ESYT3: variants seen among roughly 807,000 people sequenced by gnomAD.
The protein encoded by ESYT3 is extended synaptotagmin-3.
ESYT3 carries 101 observed loss-of-function variants against 111.5 expected under a neutral mutation model. The ratio of observed to expected loss-of-function variants is 0.91; its 90% CI spans 0.77 to 1.07. The LOEUF is 1.07. Ranked by LOEUF, ESYT3 falls within the 50% of genes least tolerant of loss-of-function variation. The probability of loss-of-function intolerance (pLI) is 0.00; values close to 1 mark genes in which losing one functional copy is unlikely to be tolerated. For missense variants in ESYT3, 1,097 were observed against 1,109.4 expected, an observed-to-expected ratio of 0.99 and a Z score of 0.16; for synonymous variants, 416 against 446.8, an observed-to-expected ratio of 0.93 and a Z score of 0.87.
At chr3:138,451,708 C>A (rs1185190543) in intron 1 of ESYT3, among the ~76,000 whole-genome samples, 1 of 152,222 alleles carries the variant, frequency 6.6e-6, no homozygotes, top group East Asian at 1.9e-4. Flanking sequence ...GGGGTGAAAC[C>A]GCGTGGAGTC....
At chr3:138,442,502 G>A (rs1452969536) in intron 1 of ESYT3, among the ~76,000 whole-genome samples, 1 of 152,252 alleles carries the variant, frequency 6.6e-6, no homozygotes, top group East Asian at 1.9e-4. Context: ...TTCTCCCTCT[G>A]ATCTGTGCAT....
intron 1 of ESYT3, among the ~76,000 whole-genome samples, chr3:138,443,159 C>T (rs142005390): frequency 4.6e-5 from 7 of 152,290 alleles, no homozygotes; most frequent in Non-Finnish European, 8.8e-5. Flanking sequence ...TTCATCTGCT[C>T]AGTTCTGCTG....
chr3:138,480,285 AG>A (rs2033664078), downstream of ESYT3: 1 of 152,234 alleles, frequency 6.6e-6, no homozygotes, highest in South Asian at 2.1e-4. Flanking sequence ...GAAAGTAAAA[AG>A]ATTAAAAGAT....
In ESYT3 at chr3:138,467,580, G is replaced by A; in HGVS notation, c.1189G>A (p.Asp397Asn). 1.9e-6 allele frequency: 3 copies of A among 1,614,182 alleles called. No homozygotes were observed. The highest frequency in any genetic ancestry group is 2.5e-6 in the Non-Finnish European group (3 of 1,180,032). The change falls in exon 11 of 23, where the codon GAT becomes AAT. Residue 397 changes from aspartate to asparagine, a missense_variant. Coordinates refer to ENST00000389567, the MANE Select transcript of ESYT3 (RefSeq NM_031913.5). Reference sequence around the variant, plus strand: ...TTCCAGCCTGCAGATCTGCCTTGGAGATGTCATGACCAACAGAGTGGTGGA... The same window carrying A: ...TTCCAGCCTGCAGATCTGCCTTGGAAATGTCATGACCAACAGAGTGGTGGA... ...FLGSLQICLG[D>N]VMTNRVVDEW... is the part of the protein sequence containing the mutation.
chr3:138,455,048 T>TG, intron 2 of ESYT3, 146 bp from the exon 3 acceptor site: 1 of 814,768 alleles, frequency 1.2e-6, no homozygotes, highest in Non-Finnish European at 2.0e-6. Flanking sequence ...AGCAGATGGG[T>TG]GGGCAGGCAA....
Position 138,474,371 on chromosome 3 carries a change from T to C in ESYT3, c.2468+19T>C. On this transcript the variant is annotated intron_variant, in intron 20 of 22. Coordinates refer to ENST00000389567, the MANE Select transcript of ESYT3 (RefSeq NM_031913.5). ...ATGAGACGTAAGTGGGCTGGTGGCC[T>C]GCCTAGAGTGCCTCACCCATTCAAG... 6.4e-7 allele frequency: 1 copy of C among 1,565,128 alleles called. No individual in the cohort carries two copies. Among genetic ancestry groups the C allele is most frequent in the Non-Finnish European group, 8.6e-7 (1 of 1,163,636 alleles).
chr3:138,478,668 G>T lies in ESYT3; in HGVS notation c.*1814G>T, dbSNP rs1264253474. The T allele has an allele frequency of 6.6e-6, 1 of 152,136 alleles. No homozygotes were observed. Among genetic ancestry groups the T allele is most frequent in the Non-Finnish European group, 1.5e-5 (1 of 68,018 alleles). The allele number at this position is 152,136 out of a possible 1,614,324, so 9.4% of individuals were successfully genotyped here. The stretch of plus-strand genomic sequence containing the variant: ...GTCAGGCAACACAGGTAAATACCTG[G>T]TGATGGTCTGAAGAGGAGTTAAAAT... On this transcript the variant is annotated 3_prime_UTR_variant, in exon 23 of 23. Transcript: ENST00000389567.
In ESYT3 at chr3:138,479,412, A is replaced by G. The variant is rs2033626493; in HGVS notation, c.*2558A>G. 6.6e-6 allele frequency: 1 copy of G among 152,232 alleles called. No homozygotes were observed. 9.4% of individuals were successfully genotyped at this position (152,232 alleles called of 1,614,324 possible). A position where few individuals can be genotyped will look rare whatever the true frequency, so the allele number is the denominator to read the frequency against. The stretch of plus-strand genomic sequence containing the variant: ...AAGACCATATCTTATTTAGGAAGCT[A>G]AAGATACTCATCTTAAAAATATAAC... On this transcript the variant is annotated 3_prime_UTR_variant, in exon 23 of 23. Coordinates refer to ENST00000389567, the MANE Select transcript of ESYT3 (RefSeq NM_031913.5).
rs866468358 is a variant in ESYT3, at chr3:138,478,910, C to T, written c.*2056C>T. 13 of 152,108 alleles carry T rather than the reference C, an allele frequency of 8.5e-5. No homozygotes were observed. The highest frequency in any genetic ancestry group is 2.2e-4 in the African/African-American group (9 of 41,404). 9.4% of individuals were successfully genotyped at this position (152,108 alleles called of 1,614,324 possible). On this transcript the variant is annotated 3_prime_UTR_variant, in exon 23 of 23. Coordinates refer to ENST00000389567, the MANE Select transcript of ESYT3 (RefSeq NM_031913.5). ...GGTACAGAAACCCCCAAACCTAAGA[C>T]GGAATGTGAATATTGGTTTAGAACC...
intron 2 of ESYT3, 105 bp downstream of exon 2, chr3:138,452,194 G>C: frequency 9.0e-7 from 1 of 1,114,506 alleles, no homozygotes; most frequent in African/African-American, 1.6e-5. Flanking sequence ...CAATTTCCTT[G>C]CCTGACGCGG....
In ESYT3 at chr3:138,478,062, C is replaced by A. The variant is rs1208364638; in HGVS notation, c.*1208C>A. 2.0e-5 allele frequency: 3 copies of A among 152,104 alleles called. No homozygotes were observed. The highest frequency in any genetic ancestry group is 7.3e-5 in the African/African-American group (3 of 41,378). The allele number at this position is 152,104 out of a possible 1,614,324, so 9.4% of individuals were successfully genotyped here. ...AACCTATTTCCTCTATTAAGTAAGTCAGTCAATCCATAGTGAAATGGACTC... is the reference window on the plus strand; with the variant it reads ...AACCTATTTCCTCTATTAAGTAAGTAAGTCAATCCATAGTGAAATGGACTC... On this transcript the variant is annotated 3_prime_UTR_variant, in exon 23 of 23. Transcript: ENST00000389567.
At chr3:138,464,558 T>C in intron 9 of ESYT3, 43 bp downstream of exon 9, 1 of 1,608,156 alleles carries the variant, frequency 6.2e-7, no homozygotes, top group Non-Finnish European at 8.5e-7. Flanking sequence ...CTCTGAGTCA[T>C]GCTGGGCAGA....
At chr3:138,467,480 C>G in intron 10 of ESYT3, 81 bp from the exon 11 acceptor site, 4 of 1,396,294 alleles carry the variant, frequency 2.9e-6, no homozygotes, top group Non-Finnish European at 4.1e-6. Context: ...TATCTGAAAA[C>G]AGAGTCCAGT....
Position 138,452,075 on chromosome 3 carries a change from G to GAGT in ESYT3, c.356_358dup (p.Glu119_Trp120insTer), listed in dbSNP as rs1254851924. 2 of 1,612,876 alleles carry GAGT rather than the reference G, an allele frequency of 1.2e-6. No homozygotes were observed. The highest frequency in any genetic ancestry group is 3.3e-5 in the Admixed American group (2 of 60,026). On this transcript the variant is annotated stop_gained and inframe_insertion, in exon 2 of 23. Coordinates refer to ENST00000389567, the MANE Select transcript of ESYT3 (RefSeq NM_031913.5). LOFTEE classifies it high-confidence loss of function. ...CCACTTCCCGGACGTGGAGCGGGTC[G>GAGT]AGTGGGCCAACAAGGTAAGGCCGCT...
chr3:138,480,672 A>C (rs1237019321), downstream of ESYT3: 1 of 152,256 alleles, frequency 6.6e-6, no homozygotes, highest in Non-Finnish European at 1.5e-5. Context: ...TAAAATGGAG[A>C]GCTATGCCAC....
At chr3:138,474,006 A>G (rs1307198976) in intron 19 of ESYT3, among the ~76,000 whole-genome samples, 1 of 152,184 alleles carries the variant, frequency 6.6e-6, no homozygotes, top group Admixed American at 6.5e-5. Context: ...TTCATCTGAT[A>G]TTTTGTCCTC....
chr3:138,458,507 T>A (rs1001535879), intron 4 of ESYT3, among the ~76,000 whole-genome samples: 5 of 152,250 alleles, frequency 3.3e-5, no homozygotes, highest in African/African-American at 1.2e-4. Context: ...GTTTTTGCGA[T>A]TTGTGACATT....
In ESYT3 at chr3:138,468,890, G is replaced by A; in HGVS notation, c.1434+9G>A. The A allele has an allele frequency of 7.4e-6, 12 of 1,614,128 alleles. No individual in the cohort carries two copies. The highest frequency in any genetic ancestry group is 5.5e-5 in the South Asian group (5 of 91,078). On this transcript the variant is annotated intron_variant, in intron 14 of 22. Coordinates refer to ENST00000389567, the MANE Select transcript of ESYT3 (RefSeq NM_031913.5). ...TCTCCAGGTTTGCCAGAGTGAGTGA[G>A]TATGTGGCTAAAAACTCCAGGGAGG... is the stretch of plus-strand genomic sequence containing the variant.
chr3:138,477,028 C>G lies in ESYT3; in HGVS notation c.*174C>G. On this transcript the variant is annotated 3_prime_UTR_variant, in exon 23 of 23. Transcript: ENST00000389567. Reference sequence around the variant, plus strand: ...GGAATTTAACTCCATGACTGAATAGCATAAGGAAGAGGTTATTTAAAAGCA... The same window carrying G: ...GGAATTTAACTCCATGACTGAATAGGATAAGGAAGAGGTTATTTAAAAGCA... 1 of 464,734 alleles carries G rather than the reference C, an allele frequency of 2.2e-6. No homozygotes were observed. Among genetic ancestry groups the G allele is most frequent in the Non-Finnish European group, 3.7e-6 (1 of 267,640 alleles). The allele number at this position is 464,734 out of a possible 1,614,324, so 28.8% of individuals were successfully genotyped here.
Sources: gnomAD v4.1 joint callset for allele counts (sites outside exome capture counted in the v4.1 genomes callset) on GRCh38, gnomAD v4.1.1 for gene constraint, MANE v1.5 for transcripts, NCBI Gene and HGNC (gene_info 2026-07-23, HGNC 2026-07-21) for gene names.